The following LOC400499 variants were observed in gnomAD, a reference collection of about 807,000 sequenced individuals.
chr16:11,464,955 C>T, the LOC400499 span, among the ~76,000 whole-genome samples: 1 of 152,198 alleles, frequency 6.6e-6, no homozygotes, highest in Non-Finnish European at 1.5e-5. Flanking sequence ...AGACAGCTCT[C>T]CCCTGACATA....
the LOC400499 span, among the ~76,000 whole-genome samples, chr16:11,383,025 C>A: frequency 6.6e-6 from 1 of 151,304 alleles, no homozygotes; most frequent in Non-Finnish European, 1.5e-5. Context: ...AGGAAGCTTA[C>A]AATCATGGCA....
the LOC400499 span, among the ~76,000 whole-genome samples, chr16:11,491,541 T>C: frequency 2.7e-4 from 41 of 150,064 alleles, no homozygotes; most frequent in African/African-American, 9.8e-4. Flanking sequence ...CATAGCCCCT[T>C]ATCTAGACAG....
the LOC400499 span, among the ~76,000 whole-genome samples, chr16:11,435,359 C>T: frequency 6.6e-6 from 1 of 152,096 alleles, no homozygotes; most frequent in Admixed American, 6.5e-5. Context: ...AGCAATCCTC[C>T]TGCCTCAGCC....
At chr16:11,507,378 A>G in the LOC400499 span, among the ~76,000 whole-genome samples, 1 of 152,140 alleles carries the variant, frequency 6.6e-6, no homozygotes, top group African/African-American at 2.4e-5. Flanking sequence ...CACACTCCAC[A>G]AAGAATGACC....
At chr16:11,426,896 CAAA>C in the LOC400499 span, among the ~76,000 whole-genome samples, 20 of 105,938 alleles carry the variant, frequency 1.9e-4, no homozygotes, top group African/African-American at 5.7e-4. Flanking sequence ...GACCCCATCT[CAAA>C]AAAAAAAAAA....
the LOC400499 span, among the ~76,000 whole-genome samples, chr16:11,448,656 A>G: frequency 0.81 from 123,408 of 151,772 alleles, 50,239 homozygotes; most frequent in South Asian, 0.85. Flanking sequence ...AAGCCCAGAC[A>G]TTCGAGGCTG....
At chr16:11,498,505 T>A in the LOC400499 span, among the ~76,000 whole-genome samples, 2,503 of 151,442 alleles carry the variant, frequency 0.017, 73 homozygotes, top group African/African-American at 0.058. Context: ...GATTAAATAA[T>A]TAAATAAATA....
the LOC400499 span, chr16:11,392,721 G>A: frequency 2.1e-6 from 2 of 953,928 alleles, no homozygotes; most frequent in Non-Finnish European, 2.5e-6. Context: ...ATGCCATAAG[G>A]CTTCAGGGGG....
the LOC400499 span, among the ~76,000 whole-genome samples, chr16:11,482,657 G>A: frequency 2.6e-5 from 4 of 152,136 alleles, no homozygotes; most frequent in Non-Finnish European, 5.9e-5. Context: ...TTGGGAGGCT[G>A]AGGCAGGAGG....
At chr16:11,395,795 G>T in the LOC400499 span, among the ~76,000 whole-genome samples, 1 of 152,036 alleles carries the variant, frequency 6.6e-6, no homozygotes, top group Non-Finnish European at 1.5e-5. Flanking sequence ...TGGAAACGCC[G>T]AGAGAGCACC....
the LOC400499 span, chr16:11,387,302 G>T: frequency 8.1e-7 from 1 of 1,232,226 alleles, no homozygotes; most frequent in Non-Finnish European, 1.0e-6. Flanking sequence ...GTTCCTGCAG[G>T]GAATGCAGAG....
the LOC400499 span, among the ~76,000 whole-genome samples, chr16:11,514,807 AC>A: frequency 9.2e-5 from 14 of 152,148 alleles, no homozygotes; most frequent in South Asian, 2.9e-3. Context: ...GCAGACAGTG[AC>A]CCCCCAGGAG....
chr16:11,445,743 G>A, the LOC400499 span, among the ~76,000 whole-genome samples: 9 of 152,164 alleles, frequency 5.9e-5, no homozygotes, highest in Admixed American at 1.3e-4. Flanking sequence ...GGGTGGCAGG[G>A]TTGTGCTGGC....
chr16:11,507,938 A>C, the LOC400499 span, among the ~76,000 whole-genome samples: 1 of 152,216 alleles, frequency 6.6e-6, no homozygotes, highest in Non-Finnish European at 1.5e-5. Context: ...TGTCTAAAAA[A>C]AAAATTGTAG....
chr16:11,391,039 T>A, the LOC400499 span, among the ~76,000 whole-genome samples: 1 of 152,120 alleles, frequency 6.6e-6, no homozygotes, highest in African/African-American at 2.4e-5. Context: ...AAATCACAGC[T>A]GTGAATAGCG....
At chr16:11,469,539 A>C in the LOC400499 span, 1 of 398,856 alleles carries the variant, frequency 2.5e-6, no homozygotes, top group South Asian at 1.3e-4. Context: ...TGGGATGGAG[A>C]AGCTTGAGCC....
chr16:11,471,432 T>G, the LOC400499 span: 2 of 381,522 alleles, frequency 5.2e-6, no homozygotes, highest in Non-Finnish European at 9.3e-6. Flanking sequence ...CCTGAGGAAG[T>G]GACCCCTGAA....
the LOC400499 span, among the ~76,000 whole-genome samples, chr16:11,526,776 A>G: frequency 6.6e-6 from 1 of 152,082 alleles, no homozygotes; most frequent in Non-Finnish European, 1.5e-5. Flanking sequence ...CAGTGGCATG[A>G]TCTCGGCTCA....
chr16:11,372,164 G>A, the LOC400499 span: 131,545 of 152,252 alleles, frequency 0.86, 57,050 homozygotes, highest in Admixed American at 0.89. Flanking sequence ...AGGGTCCCCT[G>A]AAGCATTCAG....
Sources: gnomAD v4.1 joint callset for allele counts (sites outside exome capture counted in the v4.1 genomes callset) on GRCh38, gnomAD v4.1.1 for gene constraint, MANE v1.5 for transcripts.